BRCA2: variants seen among roughly 807,000 people sequenced by gnomAD.
BRCA2 encodes the protein breast cancer type 2 susceptibility protein.
Under a neutral mutation model 276.7 loss-of-function variants are expected in BRCA2, and 203 were observed. The observed-to-expected ratio is 0.73, with a 90% CI of 0.65 to 0.82. The LOEUF (loss-of-function observed/expected upper bound fraction) is 0.82. Among genes scored for constraint, BRCA2 ranks in the 40% least tolerant of loss-of-function variants. BRCA2 has a pLI of 0.00. For synonymous variants in BRCA2, 1,289 were observed against 1,338.4 expected, an observed-to-expected ratio of 0.96 and a Z score of 0.81; for missense variants, 3,920 against 3,915.0, an observed-to-expected ratio of 1.00 and a Z score of -0.03.
intron 18 of BRCA2, among the ~76,000 whole-genome samples, chr13:32,367,055 C>T (rs147339260): frequency 1.3e-5 from 2 of 152,212 alleles, no homozygotes; most frequent in Non-Finnish European, 2.9e-5. Flanking sequence ...AAGCATCAAA[C>T]ACTACTAGTG....
chr13:32,336,927 A>G lies in BRCA2; in HGVS notation c.2572A>G (p.Arg858Gly), dbSNP rs397507289. 8 of 1,597,052 alleles carry G rather than the reference A, an allele frequency of 5.0e-6. No homozygotes were observed. Among genetic ancestry groups the G allele is most frequent in the Non-Finnish European group, 6.0e-6 (7 of 1,175,912 alleles). The change falls in exon 11 of 27, where the codon AGA (arginine) becomes GGA (glycine). Residue 858 changes from arginine (R) to glycine (G), a missense_variant. Arg to Gly is a moderately radical substitution (Grantham distance 125, BLOSUM62 -2). Coordinates refer to ENST00000380152, the MANE Select transcript of BRCA2 (RefSeq NM_000059.4). ...KVQFNQNTNL[R>G]VIQKNQEETT... Reference sequence around the variant, plus strand: ...ACAATTCAACCAAAACACAAATCTAAGAGTAATCCAAAAAAATCAAGAAGA... The same window carrying G: ...ACAATTCAACCAAAACACAAATCTAGGAGTAATCCAAAAAAATCAAGAAGA...
rs80358765 is a variant in BRCA2 at position 32,339,769 on chromosome 13, A to G, written c.5414A>G (p.Asn1805Ser). The change falls in exon 11 of 27, where the codon AAT (asparagine) becomes AGT (serine). Residue 1805 changes from asparagine to serine, a missense_variant. Physicochemically the swap from Asn to Ser is conservative, Grantham distance 46 (BLOSUM62 1). Transcript: ENST00000380152. ...KDANAYPQTV[N>S]EDICVEELVT... ...GCAAATGCATACCCACAAACTGTAAATGAAGATATTTGCGTTGAGGAACTT... is the reference window on the plus strand; with the variant it reads ...GCAAATGCATACCCACAAACTGTAAGTGAAGATATTTGCGTTGAGGAACTT... 6.3e-5 allele frequency: 102 copies of G among 1,613,980 alleles called. No homozygotes were observed. Among genetic ancestry groups the G allele is most frequent in the African/African-American group, 6.3e-4 (47 of 75,046 alleles).
rs2072756770 is a variant in BRCA2 at position 32,363,331 on chromosome 13, G to A, written c.8129G>A (p.Ser2710Asn). 1 of 1,614,158 alleles carries A rather than the reference G, an allele frequency of 6.2e-7. No individual in the cohort carries two copies. The highest frequency in any genetic ancestry group is 8.5e-7 in the Non-Finnish European group (1 of 1,180,012). The change falls in exon 18 of 27, where the codon AGT (serine) becomes AAT (asparagine). Residue 2710 changes from serine to asparagine, a missense_variant. Coordinates refer to ENST00000380152, the MANE Select transcript of BRCA2 (RefSeq NM_000059.4). ...GAAACTTCTAGCAATAAAACTAGTA[G>A]TGCAGATACCCAAAAAGTGGCCATT... ...ISETSSNKTS[S>N]ADTQKVAIIE... is the part of the protein sequence containing the mutation.
Position 32,319,341 on chromosome 13 carries a change from T to C in BRCA2, c.316+16T>C, listed in dbSNP as rs1057520706. On this transcript the variant is annotated intron_variant, in intron 3 of 26. Coordinates refer to ENST00000380152, the MANE Select transcript of BRCA2 (RefSeq NM_000059.4). ...TTAGACTTAGGTAAGTAATGCAATA[T>C]GGTAGACTGGGGAGAACTACAAACT... The C allele has an allele frequency of 1.2e-6, 2 of 1,602,358 alleles. No homozygotes were observed. Among genetic ancestry groups the C allele is most frequent in the Non-Finnish European group, 1.7e-6 (2 of 1,169,878 alleles).
At position 32,357,867 on chromosome 13, in the gene BRCA2, G is replaced by A. The variant is rs1265014395; in HGVS notation, c.7743G>A (p.Leu2581=). The change falls in exon 16 of 27, where the codon TTG becomes TTA. Residue 2581 remains leucine, a synonymous_variant. Coordinates refer to ENST00000380152, the MANE Select transcript of BRCA2 (RefSeq NM_000059.4). ...ESLWTGKGIQ[L]ADGGWLIPSN... is the part of the protein sequence containing the mutation. Reference sequence around the variant, plus strand: ...TATGGACTGGAAAAGGAATACAGTTGGCTGATGGTGGATGGCTCATACCCT... The same window carrying A: ...TATGGACTGGAAAAGGAATACAGTTAGCTGATGGTGGATGGCTCATACCCT... 6.2e-7 allele frequency: 1 copy of A among 1,614,064 alleles called. No homozygotes were observed. The highest frequency in any genetic ancestry group is 8.5e-7 in the Non-Finnish European group (1 of 1,179,980).
intron 24 of BRCA2, among the ~76,000 whole-genome samples, chr13:32,392,141 T>C (rs1230098346): frequency 6.6e-6 from 1 of 152,148 alleles, no homozygotes; most frequent in African/African-American, 2.4e-5. Flanking sequence ...TAAATAAATT[T>C]GAAATGAAAA....
At chr13:32,358,869 G>A (rs928871638) in intron 16 of BRCA2, among the ~76,000 whole-genome samples, 23 of 151,978 alleles carry the variant, frequency 1.5e-4, no homozygotes, top group Non-Finnish European at 2.6e-4. Flanking sequence ...AGTAGGTGGA[G>A]GTTGCAGTGA....
At chr13:32,396,719 A>G in intron 25 of BRCA2, 179 bp from the exon 26 acceptor site, 1 of 700,582 alleles carries the variant, frequency 1.4e-6, no homozygotes. Flanking sequence ...ATTCCCCTAA[A>G]TCACTGATAC....
At chr13:32,359,191 C>T (rs982064533) in intron 16 of BRCA2, among the ~76,000 whole-genome samples, 6 of 134,570 alleles carry the variant, frequency 4.5e-5, no homozygotes, top group African/African-American at 1.4e-4. Flanking sequence ...CACTGCACTG[C>T]AGCCTGGGCA....
At chr13:32,380,258 T>C in intron 24 of BRCA2, 113 bp downstream of exon 24, 2 of 1,074,482 alleles carry the variant, frequency 1.9e-6, no homozygotes, top group Non-Finnish European at 2.7e-6. Flanking sequence ...AGCTAACTAG[T>C]GATCTGAAAG....
Position 32,341,070 on chromosome 13 carries a change from GAACTGACAGATTCTA to G in BRCA2, c.6721_6735del (p.Thr2241_Leu2245del). ...TGCTAAAGCTTTTATGGAAGATGATGAACTGACAGATTCTAAACTGCCAAGTCATGCCACACATTC... is the reference window on the plus strand; with the variant it reads ...TGCTAAAGCTTTTATGGAAGATGATGAACTGCCAAGTCATGCCACACATTC... On this transcript the variant is annotated inframe_deletion, in exon 11 of 27. Transcript: ENST00000380152. 1 of 1,613,948 alleles carries G rather than the reference GAACTGACAGATTCTA, an allele frequency of 6.2e-7. No homozygotes were observed. Among genetic ancestry groups the G allele is most frequent in the Non-Finnish European group, 8.5e-7 (1 of 1,179,918 alleles).
rs1384322636 is a variant in BRCA2 at position 32,332,420 on chromosome 13, A to G, written c.942A>G (p.Lys314=). Residue 314 remains lysine (K), a synonymous_variant, in exon 10 of 27, where the codon AAA becomes AAG. Transcript: ENST00000380152. ...ATAGTTTTTCATTATGTTTTTCTAA[A>G]TGTAGAACAAAAAATCTACAAAAAG... ...EEDSFSLCFS[K]CRTKNLQKVR... 2 of 1,590,910 alleles carry G rather than the reference A, an allele frequency of 1.3e-6. No individual in the cohort carries two copies. Among genetic ancestry groups the G allele is most frequent in the Admixed American group, 1.8e-5 (1 of 54,698 alleles).
chr13:32,356,639 T>C, intron 15 of BRCA2, 30 bp downstream of exon 15: 1 of 1,607,690 alleles, frequency 6.2e-7, no homozygotes, highest in South Asian at 1.1e-5. Flanking sequence ...ACTGATGGCT[T>C]TTATGACAGA....
At chr13:32,348,983 A>G (rs2072629341) in intron 13 of BRCA2, among the ~76,000 whole-genome samples, 1 of 152,164 alleles carries the variant, frequency 6.6e-6, no homozygotes, top group Non-Finnish European at 1.5e-5. Context: ...GCACATTGGG[A>G]GGCTGAGGTG....
chr13:32,345,585 G>C (rs1344632266), intron 12 of BRCA2, among the ~76,000 whole-genome samples: 19 of 151,920 alleles, frequency 1.3e-4, no homozygotes, highest in Admixed American at 1.2e-3. Flanking sequence ...AGAGTATATA[G>C]GTTGAGTATC....
chr13:32,316,298 C>T (rs1054792188), intron 1 of BRCA2, 124 bp from the exon 2 acceptor site: 13 of 703,998 alleles, frequency 1.8e-5, no homozygotes, highest in African/African-American at 1.2e-4. Flanking sequence ...TAAGCTGTTA[C>T]CGTTCCAGGA....
Position 32,355,037 on chromosome 13 carries a change from A to C in BRCA2, c.7184A>C (p.His2395Pro), listed in dbSNP as rs1593917980. 6.2e-7 allele frequency: 1 copy of C among 1,614,054 alleles called. No individual in the cohort carries two copies. The highest frequency in any genetic ancestry group is 1.3e-5 in the African/African-American group (1 of 75,068). The change falls in exon 14 of 27, where the codon CAC becomes CCC. Residue 2395 changes from histidine to proline, a missense_variant. His to Pro is a moderately conservative substitution (Grantham distance 77). Transcript: ENST00000380152. ...VSATRNEKMR[H>P]LITTGRPTKV... is the part of the protein sequence containing the mutation. The stretch of plus-strand genomic sequence containing the variant: ...GCTACAAGAAATGAAAAAATGAGAC[A>C]CTTGATTACTACAGGCAGACCAACC...
At chr13:32,382,241 T>C (rs1335907035) in intron 24 of BRCA2, among the ~76,000 whole-genome samples, 1 of 152,174 alleles carries the variant, frequency 6.6e-6, no homozygotes, top group Non-Finnish European at 1.5e-5. Context: ...CATGAGCCAC[T>C]GCACCCGGCC....
chr13:32,316,541 TTA>T lies in BRCA2; in HGVS notation c.67+19_67+20del, dbSNP rs2072262638. ...GCAACAAAGCAGGTATTGACAAATTTTATATAACTTTATAAATTACACCGAGA... is the reference window on the plus strand; with the variant it reads ...GCAACAAAGCAGGTATTGACAAATTTTATAACTTTATAAATTACACCGAGA... On this transcript the variant is annotated intron_variant, in intron 2 of 26. Transcript: ENST00000380152. 6.2e-7 allele frequency: 1 copy of T among 1,601,086 alleles called. No homozygotes were observed. The highest frequency in any genetic ancestry group is 8.6e-7 in the Non-Finnish European group (1 of 1,169,216).
Sources: gnomAD v4.1 joint callset for allele counts (sites outside exome capture counted in the v4.1 genomes callset) on GRCh38, gnomAD v4.1.1 for gene constraint, MANE v1.5 for transcripts, NCBI Gene and HGNC (gene_info 2026-07-23, HGNC 2026-07-21) for gene names.